The following PCDH7 variants were observed in gnomAD, a reference collection of about 807,000 sequenced individuals.
PCDH7 encodes protocadherin-7.
Under a neutral mutation model 58.9 loss-of-function variants are expected in PCDH7, and 17 were observed. The observed-to-expected ratio is 0.29, with a 90% CI of 0.20 to 0.43. The LOEUF (loss-of-function observed/expected upper bound fraction) is 0.43, where lower values mean the gene tolerates loss of function less well. PCDH7 is among the 20% of genes least tolerant of loss of function. The pLI is 1.00. For synonymous variants in PCDH7, 664 were observed against 616.4 expected (o/e 1.08, Z -1.14); for missense variants, 1,274 against 1,441.0 (o/e 0.88, Z 1.88).
chr4:30,855,973 G>T (rs1733404714), intron 1 of PCDH7, among the ~76,000 whole-genome samples: 1 of 152,066 alleles, frequency 6.6e-6, no homozygotes, highest in African/African-American at 2.4e-5. Flanking sequence ...TCAACTGAAT[G>T]CAGTGACAAG....
downstream of PCDH7, among the ~76,000 whole-genome samples, chr4:30,735,302 G>A (rs1484046024): frequency 6.6e-6 from 1 of 152,014 alleles, no homozygotes; most frequent in Non-Finnish European, 1.5e-5. Flanking sequence ...CATGCTCACC[G>A]ATAAACTTTC....
chr4:30,722,140 C>CGCAGCA lies in PCDH7; in HGVS notation c.721_726dup (p.Ser241_Ser242dup). The CGCAGCA allele has an allele frequency of 6.8e-7, 1 of 1,464,744 alleles. No homozygotes were observed. The highest frequency in any genetic ancestry group is 1.4e-5 in the South Asian group (1 of 72,730). The allele number at this position is 1,464,744 out of a possible 1,614,324, so 90.7% of individuals were successfully genotyped here. On this transcript the variant is annotated inframe_insertion, in exon 1 of 2. Transcript: ENST00000361762. The surrounding 1 kb of genome is among the most constrained non-coding windows in gnomAD (Gnocchi z 7.6). ...CGGCGGCGGCACCAACCCCGGCGGCCGCAGCAGCGTGTTCGAGCTGCAGGT... is the reference window on the plus strand; with the variant it reads ...CGGCGGCGGCACCAACCCCGGCGGCCGCAGCAGCAGCAGCGTGTTCGAGCTGCAGGT...
At chr4:30,857,730 C>T (rs1733665430) in intron 1 of PCDH7, among the ~76,000 whole-genome samples, 1 of 152,052 alleles carries the variant, frequency 6.6e-6, no homozygotes, top group Non-Finnish European at 1.5e-5. Context: ...CCTTTTGCAC[C>T]AGTTCTATCT....
At chr4:30,877,687 A>G (rs11935059) in intron 1 of PCDH7, among the ~76,000 whole-genome samples, 61,851 of 151,888 alleles carry the variant, frequency 0.41, 12,826 homozygotes, top group African/African-American at 0.45. Context: ...GTTTTCCTAA[A>G]ATTTCATTCT....
chr4:31,034,460 A>G (rs1755217603), intron 3 of PCDH7, among the ~76,000 whole-genome samples: 1 of 152,228 alleles, frequency 6.6e-6, no homozygotes, highest in Admixed American at 6.5e-5. Flanking sequence ...TTCAAATTTC[A>G]TTGTAAATAT....
At chr4:30,795,543 A>G (rs1237412762) in intron 1 of PCDH7, among the ~76,000 whole-genome samples, 1 of 152,220 alleles carries the variant, frequency 6.6e-6, no homozygotes, top group Non-Finnish European at 1.5e-5. Context: ...CCTGGCATAC[A>G]GTAAATGCAT....
rs751537729 is a variant in PCDH7 at position 30,723,610 on chromosome 4, C to A, written c.2188C>A (p.Leu730Ile). Residue 730 changes from leucine to isoleucine, a missense_variant, in exon 1 of 2, where the codon CTT becomes ATT. This residue lies in a region of PCDH7 where 731 missense variants were observed against 881.9 expected (regional missense o/e 0.83). Coordinates refer to ENST00000361762, the Ensembl canonical transcript of PCDH7. The surrounding 1 kb of genome is among the most constrained non-coding windows in gnomAD (Gnocchi z 4.6). Reference sequence around the variant, plus strand: ...CAGATCTGCCACAGCTACAGTCTCGCTTTTTGTGATGGATGAAAATGACAA... The same window carrying A: ...CAGATCTGCCACAGCTACAGTCTCGATTTTTGTGATGGATGAAAATGACAA... 2.5e-6 allele frequency: 4 copies of A among 1,614,208 alleles called. No individual in the cohort carries two copies. The Admixed American group carries it at 6.7e-5, about 27-fold the overall frequency.
intron 3 of PCDH7, among the ~76,000 whole-genome samples, chr4:31,116,911 C>A (rs1438163146): frequency 6.6e-6 from 1 of 152,178 alleles, no homozygotes; most frequent in African/African-American, 2.4e-5. Context: ...TCTCGGCTCA[C>A]TGCAACCTCT....
downstream of PCDH7, among the ~76,000 whole-genome samples, chr4:30,735,665 T>C (rs1353380520): frequency 6.6e-6 from 1 of 152,072 alleles, no homozygotes; most frequent in Non-Finnish European, 1.5e-5. Flanking sequence ...TGGGGTAACC[T>C]TGGGTAGCTT....
At chr4:30,831,531 C>A (rs1291132119) in intron 1 of PCDH7, among the ~76,000 whole-genome samples, 2 of 152,142 alleles carry the variant, frequency 1.3e-5, no homozygotes, top group Non-Finnish European at 2.9e-5. Context: ...ACAGATTTCA[C>A]AAGCATTGCT....
intron 3 of PCDH7, among the ~76,000 whole-genome samples, chr4:31,119,331 G>A (rs563698765): frequency 6.6e-6 from 1 of 152,168 alleles, no homozygotes; most frequent in African/African-American, 2.4e-5. Flanking sequence ...ATCTGTCATA[G>A]GTCTGTAACC....
chr4:31,097,640 A>C (rs1162364327), intron 3 of PCDH7, among the ~76,000 whole-genome samples: 1 of 88,926 alleles, frequency 1.1e-5, no homozygotes. Context: ...ATATATATAA[A>C]TCTTTTTTCT....
intron 3 of PCDH7, among the ~76,000 whole-genome samples, chr4:31,107,212 A>T (rs754068164): frequency 3.3e-5 from 5 of 152,218 alleles, no homozygotes; most frequent in Non-Finnish European, 1.5e-5. Context: ...GTACTATGAT[A>T]TACAAGTAAT....
At chr4:30,960,023 A>G (rs1386981903) in intron 3 of PCDH7, among the ~76,000 whole-genome samples, 48 of 151,494 alleles carry the variant, frequency 3.2e-4, no homozygotes, top group Non-Finnish European at 2.9e-5. Context: ...ACAGTAACCT[A>G]CATTAGGTTC....
intron 3 of PCDH7, among the ~76,000 whole-genome samples, chr4:31,047,624 A>G (rs1578651660): frequency 6.6e-6 from 1 of 152,176 alleles, no homozygotes; most frequent in East Asian, 1.9e-4. Context: ...CAGTTTTTTG[A>G]TTGATTGGTT....
intron 3 of PCDH7, among the ~76,000 whole-genome samples, chr4:31,002,754 T>A (rs1321028734): frequency 6.6e-6 from 1 of 152,220 alleles, no homozygotes; most frequent in African/African-American, 2.4e-5. Context: ...AGGGGAAGAA[T>A]GATGCATGTA....
chr4:31,065,167 G>T (rs1757979760), intron 3 of PCDH7, among the ~76,000 whole-genome samples: 1 of 151,948 alleles, frequency 6.6e-6, no homozygotes, highest in Non-Finnish European at 1.5e-5. Context: ...GGCAATGCAA[G>T]AACACCAGAA....
At chr4:31,061,955 G>A (rs1757721948) in intron 3 of PCDH7, among the ~76,000 whole-genome samples, 1 of 151,560 alleles carries the variant, frequency 6.6e-6, no homozygotes, top group Non-Finnish European at 1.5e-5. Context: ...TTCTGCTCCA[G>A]GAAACACTCT....
chr4:31,138,070 T>G (rs1719827837), intron 3 of PCDH7, among the ~76,000 whole-genome samples: 1 of 152,190 alleles, frequency 6.6e-6, no homozygotes, highest in African/African-American at 2.4e-5. Flanking sequence ...CTCTAATGGG[T>G]TCTGAATTAT....
Sources: gnomAD v4.1 joint callset for allele counts (sites outside exome capture counted in the v4.1 genomes callset) on GRCh38, gnomAD v4.1.1 for gene constraint, gnomAD v4.1.1 regional missense constraint, Gnocchi (gnomAD v3.1) non-coding constraint, MANE v1.5 for transcripts, NCBI Gene and HGNC (gene_info 2026-07-23, HGNC 2026-07-21) for gene names.